Variants in CNTN5 observed in about 807,000 individuals in gnomAD.
CNTN5 encodes the protein contactin-5.
In CNTN5, 77 loss-of-function variants were observed where a neutral mutation model predicts 129.1. The observed-to-expected ratio is 0.60, with a 90% CI of 0.50 to 0.72. The LOEUF (loss-of-function observed/expected upper bound fraction) is 0.72. Ranked by LOEUF, CNTN5 falls within the 30% of genes least tolerant of loss-of-function variation. CNTN5 has a pLI of 0.00. For synonymous variants in CNTN5, 509 were observed against 465.6 expected (o/e 1.09, Z -1.20); for missense variants, 1,478 against 1,328.8 (o/e 1.11, Z -1.75).
At chr11:99,555,091 A>G in intron 2 of CNTN5, among the ~76,000 whole-genome samples, 1 of 152,172 alleles carries the variant, frequency 6.6e-6, no homozygotes, top group Non-Finnish European at 1.5e-5. Flanking sequence ...TCATTTAGGT[A>G]GAGGTACTAA....
rs112812864 is a variant in CNTN5, at chr11:99,488,628, G to A, written c.-70-67517G>A. On this transcript the variant is annotated intron_variant, in intron 2 of 24. Transcript: ENST00000524871. Reference sequence around the variant, plus strand: ...GGTGTATCATCACTTTCTACATTCTGTCTGCATCCAGAACTAGTTATAGTG... The same window carrying A: ...GGTGTATCATCACTTTCTACATTCTATCTGCATCCAGAACTAGTTATAGTG... 2.9e-4 allele frequency among the ~76,000 whole-genome samples: 44 copies of A among 152,270 alleles called. 1 individual carries two copies. Among genetic ancestry groups the A allele is most frequent in the African/African-American group, 1.1e-3 (44 of 41,548 alleles).
In CNTN5 at chr11:99,964,423, T is replaced by G. The variant is rs560126293; in HGVS notation, c.877+7414T>G. On this transcript the variant is annotated intron_variant, in intron 8 of 24. Coordinates refer to ENST00000524871, the MANE Select transcript of CNTN5 (RefSeq NM_014361.4). ...TGCATCTATTGTGATAATCATGTGG[T>G]TTTTGCCGTTGGTTCTGTTTATATG... is the stretch of plus-strand genomic sequence containing the variant. Among the ~76,000 whole-genome samples, 4 of 152,324 alleles carry G rather than the reference T, an allele frequency of 2.6e-5. No individual in the cohort carries two copies. The East Asian group carries it at 7.7e-4, about 29-fold the overall frequency.
At chr11:99,259,182 A>C (rs1180694399) in intron 1 of CNTN5, among the ~76,000 whole-genome samples, 2 of 151,924 alleles carry the variant, frequency 1.3e-5, no homozygotes, top group Admixed American at 6.6e-5. Context: ...CTATGCACAA[A>C]TTATGTATCC....
chr11:99,479,049 G>A (rs942553846), intron 2 of CNTN5, among the ~76,000 whole-genome samples: 1 of 151,636 alleles, frequency 6.6e-6, no homozygotes, highest in African/African-American at 2.4e-5. Flanking sequence ...GAACACTAAT[G>A]CAAATAGCAT....
intron 3 of CNTN5, among the ~76,000 whole-genome samples, chr11:99,592,950 T>A (rs999732283): frequency 6.6e-6 from 1 of 152,170 alleles, no homozygotes; most frequent in Non-Finnish European, 1.5e-5. Flanking sequence ...CATTTTTTAA[T>A]GTTTTGCAAA....
chr11:99,551,446 G>C (rs528100205), intron 2 of CNTN5, among the ~76,000 whole-genome samples: 1 of 152,118 alleles, frequency 6.6e-6, no homozygotes, highest in Non-Finnish European at 1.5e-5. Context: ...TTTATTAACT[G>C]GGGCAAATTA....
chr11:100,092,652 A>C (rs1565232647), intron 13 of CNTN5, among the ~76,000 whole-genome samples: 1 of 152,168 alleles, frequency 6.6e-6, no homozygotes, highest in Admixed American at 6.5e-5. Flanking sequence ...TAGAGGTGGC[A>C]CACCACATTA....
chr11:99,080,984 T>TTTG (rs1865767774), intron 1 of CNTN5, among the ~76,000 whole-genome samples: 1 of 151,120 alleles, frequency 6.6e-6, no homozygotes, highest in African/African-American at 2.4e-5. Flanking sequence ...AAATCAGTTT[T>TTTG]TTTTTTTTTT....
At chr11:99,755,113 G>C (rs1312929957) in intron 3 of CNTN5, among the ~76,000 whole-genome samples, 2 of 151,962 alleles carry the variant, frequency 1.3e-5, no homozygotes, top group African/African-American at 4.8e-5. Flanking sequence ...CCATTATCTG[G>C]ATATGCCTCA....
At chr11:100,195,207 AGGAT>A (rs1948605266) in intron 15 of CNTN5, among the ~76,000 whole-genome samples, 1 of 151,998 alleles carries the variant, frequency 6.6e-6, no homozygotes, top group Admixed American at 6.6e-5. Context: ...ATATCTTCTT[AGGAT>A]TGTCTGCAAA....
At chr11:99,122,098 A>G (rs1405308990) in intron 1 of CNTN5, among the ~76,000 whole-genome samples, 1 of 151,970 alleles carries the variant, frequency 6.6e-6, no homozygotes, top group East Asian at 1.9e-4. Flanking sequence ...CTAGTCATTT[A>G]CAGTAGGTAT....
chr11:99,329,905 AC>A (rs1865930658), intron 2 of CNTN5, among the ~76,000 whole-genome samples: 1 of 125,512 alleles, frequency 8.0e-6, no homozygotes, highest in African/African-American at 2.9e-5. Flanking sequence ...CTGTACATAT[AC>A]AAGCAGTGAC....
intron 2 of CNTN5, among the ~76,000 whole-genome samples, chr11:99,507,281 G>T (rs1452940854): frequency 6.7e-6 from 1 of 150,208 alleles, no homozygotes; most frequent in Non-Finnish European, 1.5e-5. Flanking sequence ...GGAGGCTGAG[G>T]CAGGAGAATC....
At chr11:99,677,561 G>A (rs912652048) in intron 3 of CNTN5, among the ~76,000 whole-genome samples, 6 of 152,074 alleles carry the variant, frequency 3.9e-5, no homozygotes, top group Admixed American at 3.3e-4. Context: ...TTTGCAATAA[G>A]AATAACTTAA....
intron 2 of CNTN5, among the ~76,000 whole-genome samples, chr11:99,382,875 T>TTTTTTTG (rs1491151565): frequency 7.0e-6 from 1 of 142,464 alleles, no homozygotes. Flanking sequence ...TTTTTTTTTT[T>TTTTTTTG]AGACAGAGTC....
intron 8 of CNTN5, among the ~76,000 whole-genome samples, chr11:99,971,742 G>A (rs1426645906): frequency 6.6e-6 from 1 of 151,738 alleles, no homozygotes; most frequent in East Asian, 1.9e-4. Flanking sequence ...AAAGAATAAT[G>A]TTTTGTTATG....
intron 3 of CNTN5, among the ~76,000 whole-genome samples, chr11:99,699,197 T>C (rs1054199377): frequency 3.3e-5 from 5 of 151,454 alleles, no homozygotes; most frequent in African/African-American, 9.7e-5. Flanking sequence ...ATCCTTTTAG[T>C]ATTTCCTAAG....
intron 13 of CNTN5, among the ~76,000 whole-genome samples, chr11:100,181,428 G>A (rs1948135952): frequency 6.6e-6 from 1 of 151,956 alleles, no homozygotes; most frequent in African/African-American, 2.4e-5. Context: ...TGGTGAGTAT[G>A]TGGGATGAAG....
intron 2 of CNTN5, among the ~76,000 whole-genome samples, chr11:99,385,829 AT>A: frequency 6.6e-6 from 1 of 152,290 alleles, no homozygotes; most frequent in East Asian, 1.9e-4. Flanking sequence ...AATTCCATAT[AT>A]GGATTGTATA....
Sources: allele counts gnomAD v4.1 joint callset (sites outside exome capture counted in the v4.1 genomes callset), GRCh38; gene constraint gnomAD v4.1.1; transcripts MANE v1.5; gene names NCBI Gene and HGNC (gene_info 2026-07-23, HGNC 2026-07-21).